Variants in TBC1D9 observed in about 807,000 individuals in gnomAD.
TBC1D9 encodes TBC1 domain family member 9, also known as TBC1 domain family member 9A.
A neutral mutation model predicts 132.0 loss-of-function variants in TBC1D9; 63 were observed. That is an observed-to-expected ratio of 0.48 (90% CI 0.39 to 0.59). The LOEUF (loss-of-function observed/expected upper bound fraction) is 0.59, where lower values mean the gene tolerates loss of function less well. Among genes scored for constraint, TBC1D9 ranks in the 20% least tolerant of loss-of-function variants. The probability of loss-of-function intolerance (pLI) is 0.00; values close to 1 mark genes in which losing one functional copy is unlikely to be tolerated. For missense variants in TBC1D9, 1,261 were observed against 1,592.7 expected (o/e 0.79, Z 3.54); for synonymous variants, 610 against 609.9 (o/e 1.00, Z 0.00).
At chr4:140,724,461 C>T (rs1348173966) in intron 1 of TBC1D9, among the ~76,000 whole-genome samples, 1 of 152,112 alleles carries the variant, frequency 6.6e-6, no homozygotes, top group South Asian at 2.1e-4. Context: ...GCAACCTAAC[C>T]AGCACTGATG....
At chr4:140,748,687 G>A (rs772602185) in intron 1 of TBC1D9, among the ~76,000 whole-genome samples, 1 of 152,164 alleles carries the variant, frequency 6.6e-6, no homozygotes, top group Non-Finnish European at 1.5e-5. Context: ...CATATTAAGT[G>A]CCAACCATTC....
chr4:140,632,822 C>T (rs537531134), intron 16 of TBC1D9, among the ~76,000 whole-genome samples: 1 of 152,218 alleles, frequency 6.6e-6, no homozygotes, highest in African/African-American at 2.4e-5. Context: ...TAGGGCAATG[C>T]CAGGCATGCA....
chr4:140,748,451 G>T (rs1738872118), intron 1 of TBC1D9, among the ~76,000 whole-genome samples: 1 of 152,052 alleles, frequency 6.6e-6, no homozygotes, highest in African/African-American at 2.4e-5. Context: ...CAGTGGATGA[G>T]AATTTTACAA....
At chr4:140,643,691 C>A in intron 13 of TBC1D9, 2 of 1,190,650 alleles carry the variant, frequency 1.7e-6, no homozygotes, top group Non-Finnish European at 1.2e-6. Flanking sequence ...TCAGCTGCAC[C>A]CCCAGGTCCA....
At chr4:140,722,664 T>A (rs1030212649) in intron 1 of TBC1D9, among the ~76,000 whole-genome samples, 5 of 152,180 alleles carry the variant, frequency 3.3e-5, no homozygotes, top group African/African-American at 1.2e-4. Context: ...AATGATACCC[T>A]TGTAAACTAT....
intron 2 of TBC1D9, among the ~76,000 whole-genome samples, chr4:140,693,336 A>G (rs1389731711): frequency 6.6e-6 from 1 of 152,176 alleles, no homozygotes; most frequent in African/African-American, 2.4e-5. Flanking sequence ...GTATGAATAA[A>G]GGTTAAATTA....
At chr4:140,655,515 G>A (rs1208536393) in intron 13 of TBC1D9, among the ~76,000 whole-genome samples, 1 of 152,140 alleles carries the variant, frequency 6.6e-6, no homozygotes, top group African/African-American at 2.4e-5. Flanking sequence ...AGAGAGCATA[G>A]TGCGCTCAGC....
intron 1 of TBC1D9, among the ~76,000 whole-genome samples, chr4:140,752,937 C>T (rs1157204443): frequency 6.6e-6 from 1 of 152,174 alleles, no homozygotes; most frequent in African/African-American, 2.4e-5. Context: ...CACATGTACA[C>T]TGATCCAGAT....
intron 9 of TBC1D9, 42 bp from the exon 10 acceptor site, chr4:140,662,149 C>T (rs1313729443): frequency 2.0e-6 from 3 of 1,537,950 alleles, no homozygotes; most frequent in African/African-American, 2.7e-5. Context: ...AACGTGAGAG[C>T]TCTGCCTTTT....
intron 18 of TBC1D9, among the ~76,000 whole-genome samples, chr4:140,624,930 T>C (rs1420648863): frequency 6.6e-6 from 1 of 152,144 alleles, no homozygotes; most frequent in Non-Finnish European, 1.5e-5. Flanking sequence ...CACATGCCTG[T>C]AATCCCAGCT....
intron 18 of TBC1D9, among the ~76,000 whole-genome samples, chr4:140,624,844 G>T (rs1204266116): frequency 6.6e-6 from 1 of 152,128 alleles, no homozygotes; most frequent in Non-Finnish European, 1.5e-5. Context: ...CTGAGGTCAG[G>T]GGTTCAAGAC....
chr4:140,641,469 T>G (rs1350859173), intron 13 of TBC1D9, among the ~76,000 whole-genome samples: 1 of 152,222 alleles, frequency 6.6e-6, no homozygotes, highest in Admixed American at 6.5e-5. Context: ...AGTTTGGTAT[T>G]ATCAAAATCG....
chr4:140,741,262 T>C (rs933810291), intron 1 of TBC1D9, among the ~76,000 whole-genome samples: 1 of 152,206 alleles, frequency 6.6e-6, no homozygotes, highest in African/African-American at 2.4e-5. Flanking sequence ...TTGAAGTATT[T>C]TACCCCAAAA....
intron 15 of TBC1D9, among the ~76,000 whole-genome samples, chr4:140,638,778 C>T (rs2110975815): frequency 6.6e-6 from 1 of 152,102 alleles, no homozygotes; most frequent in South Asian, 2.1e-4. Flanking sequence ...TCACAATTTG[C>T]AATAATTCAA....
intron 1 of TBC1D9, among the ~76,000 whole-genome samples, chr4:140,704,529 G>A (rs1160634176): frequency 2.0e-5 from 3 of 151,960 alleles, no homozygotes; most frequent in Non-Finnish European, 2.9e-5. Flanking sequence ...TCTTCCAAGG[G>A]CAAGCATAAT....
chr4:140,700,404 C>T (rs188546433), intron 2 of TBC1D9, among the ~76,000 whole-genome samples: 4 of 150,408 alleles, frequency 2.7e-5, no homozygotes, highest in East Asian at 2.0e-4. Flanking sequence ...GAGCCAAGAT[C>T]GCACCACTGC....
At chr4:140,709,244 TCTCTCA>T (rs1224147959) in intron 1 of TBC1D9, among the ~76,000 whole-genome samples, 1,142 of 107,264 alleles carry the variant, frequency 0.011, 15 homozygotes, top group South Asian at 0.056. Context: ...TCTCTCTCTC[TCTCTCA>T]CACACACACA....
chr4:140,705,824 T>C (rs979224133), intron 1 of TBC1D9, among the ~76,000 whole-genome samples: 2 of 152,244 alleles, frequency 1.3e-5, no homozygotes, highest in African/African-American at 4.8e-5. Flanking sequence ...GCAGCTGTTC[T>C]AGTCAGCTAT....
At chr4:140,714,818 C>G (rs1263974203) in intron 1 of TBC1D9, among the ~76,000 whole-genome samples, 1 of 152,122 alleles carries the variant, frequency 6.6e-6, no homozygotes, top group Non-Finnish European at 1.5e-5. Context: ...GAATTAGGCA[C>G]CTTACTGCTA....
Sources: gnomAD v4.1 joint callset for allele counts (sites outside exome capture counted in the v4.1 genomes callset) on GRCh38, gnomAD v4.1.1 for gene constraint, MANE v1.5 for transcripts, NCBI Gene and HGNC (gene_info 2026-07-23, HGNC 2026-07-21) for gene names.